Variants in SLIT2 observed in about 807,000 individuals in gnomAD.
The protein encoded by SLIT2 is slit guidance ligand 2, also known as slit homolog 2 protein.
A neutral mutation model predicts 185.7 loss-of-function variants in SLIT2; 41 were observed. The observed-to-expected ratio is 0.22, with a 90% CI of 0.17 to 0.29. The LOEUF (loss-of-function observed/expected upper bound fraction) is 0.29. Among genes scored for constraint, SLIT2 ranks in the 10% least tolerant of loss-of-function variants. The pLI is 1.00. For synonymous variants in SLIT2, 693 were observed against 680.2 expected (o/e 1.02, Z -0.29); for missense variants, 1,571 against 1,909.0 (o/e 0.82, Z 3.30).
At chr4:20,452,091 A>T (rs935438977) in intron 4 of SLIT2, among the ~76,000 whole-genome samples, 1 of 152,242 alleles carries the variant, frequency 6.6e-6, no homozygotes, top group African/African-American at 2.4e-5. Flanking sequence ...CACAAGATAA[A>T]GAAGCATTTG....
Position 20,507,571 on chromosome 4 carries a change from T to C in SLIT2, c.915-2924T>C, listed in dbSNP as rs1434789191. On this transcript the variant is annotated intron_variant, in intron 9 of 36. Transcript: ENST00000504154. Reference sequence around the variant, plus strand: ...TATTTATCAATAAAACTTTCACAAATGTATGAACATCTCTGTTTTTTGATT... The same window carrying C: ...TATTTATCAATAAAACTTTCACAAACGTATGAACATCTCTGTTTTTTGATT... 2.0e-5 allele frequency among the ~76,000 whole-genome samples: 3 copies of C among 151,910 alleles called. No individual in the cohort carries two copies. The East Asian group carries it at 5.8e-4, about 29-fold the overall frequency.
intron 12 of SLIT2, among the ~76,000 whole-genome samples, chr4:20,520,008 C>G (rs1044028657): frequency 9.6e-5 from 12 of 125,226 alleles, no homozygotes; most frequent in African/African-American, 2.9e-4. Context: ...CACTCCAGCC[C>G]GGGCGACAGA....
intron 12 of SLIT2, 97 bp from the exon 13 acceptor site, chr4:20,523,663 A>T: frequency 1.0e-6 from 1 of 952,500 alleles, no homozygotes; most frequent in South Asian, 1.5e-5. Flanking sequence ...GTGAAAAGAA[A>T]TATATTTCTT....
intron 19 of SLIT2, 76 bp downstream of exon 19, chr4:20,539,660 A>G (rs1722625272): frequency 4.2e-6 from 4 of 943,726 alleles, no homozygotes; most frequent in Admixed American, 3.4e-5. Context: ...TATATTATTA[A>G]GCATTTCATT....
intron 4 of SLIT2, among the ~76,000 whole-genome samples, chr4:20,329,544 T>G (rs778451035): frequency 6.6e-6 from 1 of 152,030 alleles, no homozygotes; most frequent in South Asian, 2.1e-4. Context: ...TGTGTAAGGA[T>G]TGACAGATGA....
chr4:20,536,657 G>A (rs1453679161), intron 18 of SLIT2, among the ~76,000 whole-genome samples: 1 of 150,428 alleles, frequency 6.6e-6, no homozygotes, highest in Admixed American at 6.6e-5. Context: ...AATAAATTAA[G>A]GTTAGCTTAC....
intron 5 of SLIT2, among the ~76,000 whole-genome samples, chr4:20,480,112 C>A (rs1289093040): frequency 6.6e-6 from 1 of 152,116 alleles, no homozygotes. Context: ...AGGATAGTGA[C>A]ACTTAATATA....
At chr4:20,595,983 A>T (rs1727949971) in intron 31 of SLIT2, 149 bp downstream of exon 31, 1 of 662,864 alleles carries the variant, frequency 1.5e-6, no homozygotes, top group Non-Finnish European at 2.5e-6. Flanking sequence ...ACTTGAGGGG[A>T]TGGATACCCC....
At chr4:20,588,210 T>C (rs1315612046) in intron 29 of SLIT2, among the ~76,000 whole-genome samples, 2 of 152,230 alleles carry the variant, frequency 1.3e-5, no homozygotes, top group Non-Finnish European at 2.9e-5. Context: ...AAGCAATATA[T>C]GAGACTTACT....
chr4:20,301,190 A>C (rs777894504), intron 4 of SLIT2, among the ~76,000 whole-genome samples: 3 of 152,166 alleles, frequency 2.0e-5, no homozygotes, highest in Non-Finnish European at 2.9e-5. Flanking sequence ...TTTAAAAATT[A>C]GAAAATTTTA....
intron 4 of SLIT2, among the ~76,000 whole-genome samples, chr4:20,272,649 G>A (rs1045759390): frequency 2.0e-5 from 3 of 152,012 alleles, no homozygotes; most frequent in Non-Finnish European, 2.9e-5. Context: ...TGTGGTTTTC[G>A]GTTTATTTCT....
At chr4:20,360,632 A>C (rs1327017090) in intron 4 of SLIT2, among the ~76,000 whole-genome samples, 2 of 152,176 alleles carry the variant, frequency 1.3e-5, no homozygotes, top group Non-Finnish European at 2.9e-5. Flanking sequence ...TATACGTTAA[A>C]ATTGTGAAAA....
In SLIT2 at chr4:20,376,235, G is replaced by GA. The variant is rs534798230; in HGVS notation, c.396-91516dup. Among the ~76,000 whole-genome samples the GA allele has an allele frequency of 5.7e-4, 85 of 148,936 alleles. No individual in the cohort carries two copies. The South Asian group carries it at 0.015, about 25-fold the overall frequency. ...TACTGTTGTAATATCACACAACATG[G>GA]ACCTCTGGGAACTCCACTGTACAGT... On this transcript the variant is annotated intron_variant, in intron 4 of 36. Coordinates refer to ENST00000504154, the MANE Select transcript of SLIT2 (RefSeq NM_004787.4).
At chr4:20,539,275 A>G (rs1722587432) in intron 18 of SLIT2, among the ~76,000 whole-genome samples, 166 bp from the exon 19 acceptor site, 1 of 152,226 alleles carries the variant, frequency 6.6e-6, no homozygotes, top group African/African-American at 2.4e-5. Flanking sequence ...TTATTCTTGC[A>G]AGATATTCCC....
At chr4:20,425,059 T>C (rs1728446097) in intron 4 of SLIT2, among the ~76,000 whole-genome samples, 1 of 152,134 alleles carries the variant, frequency 6.6e-6, no homozygotes, top group Admixed American at 6.6e-5. Flanking sequence ...CCCTGAACTT[T>C]TGGTATGTTT....
At position 20,617,474 on chromosome 4, in the gene SLIT2, T is replaced by C; in HGVS notation, c.4172T>C (p.Phe1391Ser). ...GGCACCTGCTTGCCCATCAATGCGT[T>C]CTCCTACAGCTGTAAGTGCTTGGAG... The part of the protein sequence containing the change: ...VHGTCLPINA[F>S]SYSCKCLEGH... Residue 1391 changes from phenylalanine to serine, a missense_variant, in exon 36 of 37, where the codon TTC becomes TCC. Around this residue, in one of 3 missense-constraint regions of SLIT2, gnomAD observed 223 missense variants for 245.2 expected, o/e 0.91. Transcript: ENST00000504154. 1 of 1,614,124 alleles carries C rather than the reference T, an allele frequency of 6.2e-7. No homozygotes were observed. Among genetic ancestry groups the C allele is most frequent in the Non-Finnish European group, 8.5e-7 (1 of 1,180,018 alleles).
chr4:20,278,000 G>C (rs1714333372), intron 4 of SLIT2, among the ~76,000 whole-genome samples: 1 of 151,678 alleles, frequency 6.6e-6, no homozygotes, highest in African/African-American at 2.4e-5. Flanking sequence ...AACACTTTAA[G>C]GGTACCTCTC....
chr4:20,370,451 A>G (rs561208042), intron 4 of SLIT2, among the ~76,000 whole-genome samples: 5 of 152,174 alleles, frequency 3.3e-5, no homozygotes, highest in Admixed American at 1.3e-4. Flanking sequence ...ATGCTCTTCT[A>G]TGCACTCATG....
intron 4 of SLIT2, among the ~76,000 whole-genome samples, chr4:20,425,283 TTTTG>T (rs1171283218): frequency 6.6e-6 from 1 of 152,166 alleles, no homozygotes; most frequent in East Asian, 1.9e-4. Context: ...ATTGTTACTG[TTTTG>T]TTTAAGGTTT....
Sources: gnomAD v4.1 joint callset for allele counts (sites outside exome capture counted in the v4.1 genomes callset) on GRCh38, gnomAD v4.1.1 for gene constraint, gnomAD v4.1.1 regional missense constraint, MANE v1.5 for transcripts, NCBI Gene and HGNC (gene_info 2026-07-23, HGNC 2026-07-21) for gene names.